Variants in UBAC2 observed in about 807,000 individuals in gnomAD.
The protein encoded by UBAC2 is UBA domain containing 2.
In UBAC2, 26 loss-of-function variants were observed where a neutral mutation model predicts 44.0. The ratio of observed to expected loss-of-function variants is 0.59; its 90% CI spans 0.43 to 0.82. UBAC2 has a LOEUF of 0.82. Ranked by LOEUF, UBAC2 falls within the 40% of genes least tolerant of loss-of-function variation. UBAC2 has a pLI of 0.00. For synonymous variants in UBAC2, 155 were observed against 154.3 expected (o/e 1.00, Z -0.04); for missense variants, 329 against 419.4 (o/e 0.78, Z 1.88).
chr13:99,240,653 A>G (rs997913620), intron 2 of UBAC2, among the ~76,000 whole-genome samples: 2 of 152,094 alleles, frequency 1.3e-5, no homozygotes, highest in African/African-American at 4.8e-5. Flanking sequence ...CTCATTGATC[A>G]TATTGATGGA....
Position 99,340,390 on chromosome 13 carries a change from C to G in UBAC2, c.632C>G (p.Ala211Gly). ...GTGCTCTGCATCCCCAGCTGGATGG[C>G]AAAATTCTTTTCTTGGACACTTGAA... is the stretch of plus-strand genomic sequence containing the variant. Reference protein sequence around the residue: ...HQVLCIPSWMAKFFSWTLEPI... With the variant: ...HQVLCIPSWMGKFFSWTLEPI... The change falls in exon 7 of 9, where the codon GCA (alanine) becomes GGA (glycine). Residue 211 changes from alanine (A) to glycine (G), a missense_variant. Physicochemically the swap from Ala to Gly is moderately conservative, Grantham distance 60. Coordinates refer to ENST00000403766, the MANE Select transcript of UBAC2 (RefSeq NM_001144072.2). 1.2e-6 allele frequency: 2 copies of G among 1,614,168 alleles called. No individual in the cohort carries two copies. Among genetic ancestry groups the G allele is most frequent in the Non-Finnish European group, 1.7e-6 (2 of 1,180,012 alleles).
chr13:99,298,845 C>G (rs950654303), intron 4 of UBAC2, among the ~76,000 whole-genome samples: 5 of 152,080 alleles, frequency 3.3e-5, no homozygotes, highest in Non-Finnish European at 7.4e-5. Flanking sequence ...AAATTCCAGG[C>G]AAGGGTTGCA....
chr13:99,368,899 C>G (rs1474874036), intron 8 of UBAC2, among the ~76,000 whole-genome samples: 1 of 151,868 alleles, frequency 6.6e-6, no homozygotes, highest in Admixed American at 6.6e-5. Context: ...ACAGGATAGC[C>G]CTGGATCATC....
At position 99,295,613 on chromosome 13, in the gene UBAC2, C is replaced by T; in HGVS notation, c.390-18484C>T. 2 of 1,614,102 alleles carry T rather than the reference C, an allele frequency of 1.2e-6. No homozygotes were observed. The highest frequency in any genetic ancestry group is 1.1e-5 in the South Asian group (1 of 91,086). On this transcript the variant is annotated intron_variant, in intron 4 of 8. Transcript: ENST00000403766. This position sits in a 1 kb window ranked among gnomAD's most constrained non-coding sequence, Gnocchi z 4.1. ...GTTTGGATACTCCATGCATGTAATC[C>T]TTTCAGCCTCCTGCTTTGACATAGG...
At position 99,295,045 on chromosome 13, in the gene UBAC2, A is replaced by G; in HGVS notation, c.390-19052A>G. ...CATACAGTTTACGTCACTATAAACCAAAATACAATCCATTTCACTTTCCAT... is the reference window on the plus strand; with the variant it reads ...CATACAGTTTACGTCACTATAAACCGAAATACAATCCATTTCACTTTCCAT... On this transcript the variant is annotated intron_variant, in intron 4 of 8. Transcript: ENST00000403766. The surrounding 1 kb of genome is among the most constrained non-coding windows in gnomAD (Gnocchi z 4.1). 1.2e-6 allele frequency: 2 copies of G among 1,607,678 alleles called. No homozygotes were observed. Among genetic ancestry groups the G allele is most frequent in the Non-Finnish European group, 1.7e-6 (2 of 1,176,756 alleles).
intron 4 of UBAC2, among the ~76,000 whole-genome samples, chr13:99,285,030 T>C (rs2044000321): frequency 1.3e-5 from 2 of 152,224 alleles, no homozygotes; most frequent in Non-Finnish European, 2.9e-5. Context: ...TTTAAAAGTA[T>C]TTTGAAGCAA....
intron 4 of UBAC2, among the ~76,000 whole-genome samples, chr13:99,252,340 T>A (rs1289366427): frequency 6.6e-6 from 1 of 152,266 alleles, no homozygotes; most frequent in East Asian, 1.9e-4. Flanking sequence ...AACCAAGTTT[T>A]ACTTTATGTA....
At chr13:99,248,304 A>C (rs2043414008) in intron 4 of UBAC2, among the ~76,000 whole-genome samples, 1 of 151,348 alleles carries the variant, frequency 6.6e-6, no homozygotes, top group African/African-American at 2.4e-5. Flanking sequence ...GCTCACTGTC[A>C]CCTCAAACTC....
At chr13:99,352,638 TGGC>T (rs35775451) in intron 7 of UBAC2, among the ~76,000 whole-genome samples, 25,049 of 152,160 alleles carry the variant, frequency 0.16, 2,276 homozygotes, top group Middle Eastern at 0.23. Flanking sequence ...TGTTGCCTCT[TGGC>T]CTCACCAGTG....
chr13:99,324,972 A>G (rs1222632699), intron 6 of UBAC2, among the ~76,000 whole-genome samples: 2 of 152,190 alleles, frequency 1.3e-5, no homozygotes, highest in East Asian at 1.9e-4. Flanking sequence ...ATCACATAAC[A>G]CATTTCTCAG....
At chr13:99,305,886 C>CATTTATTTATTT (rs10633287) in intron 4 of UBAC2, among the ~76,000 whole-genome samples, 3 of 151,510 alleles carry the variant, frequency 2.0e-5, no homozygotes, top group African/African-American at 7.3e-5. Context: ...GACTCAGGGC[C>CATTTATTTATTT]ATTTATTTAT....
At position 99,330,042 on chromosome 13, in the gene UBAC2, C is replaced by T. The variant is rs529519025; in HGVS notation, c.562-10278C>T. Among the ~76,000 whole-genome samples the T allele has an allele frequency of 2.0e-5, 3 of 152,270 alleles. No homozygotes were observed. In the South Asian group the frequency reaches 6.2e-4, roughly 32 times the overall value. ...TTCCCCTTTGCAATTTTTAAATTTT[C>T]AATGTACAGGTCTTGCACATCTTTC... is the stretch of plus-strand genomic sequence containing the variant. On this transcript the variant is annotated intron_variant, in intron 6 of 8. Transcript: ENST00000403766.
intron 4 of UBAC2, among the ~76,000 whole-genome samples, chr13:99,276,085 T>G (rs1566481180): frequency 6.6e-6 from 1 of 152,218 alleles, no homozygotes; most frequent in Non-Finnish European, 1.5e-5. Context: ...CCCTCCAGTC[T>G]CAAGACCTTC....
At chr13:99,373,679 TG>T (rs1391782642) in intron 8 of UBAC2, among the ~76,000 whole-genome samples, 4 of 151,904 alleles carry the variant, frequency 2.6e-5, no homozygotes, top group Non-Finnish European at 4.4e-5. Flanking sequence ...GACAAGTACA[TG>T]GGAGGTGGGG....
intron 4 of UBAC2, 106 bp downstream of exon 4, chr13:99,244,730 A>G: frequency 1.6e-6 from 1 of 610,892 alleles, no homozygotes; most frequent in Non-Finnish European, 2.7e-6. Flanking sequence ...AAACTTCTAG[A>G]TATAGTTAAA....
intron 4 of UBAC2, among the ~76,000 whole-genome samples, chr13:99,249,325 G>A (rs891014329): frequency 6.6e-6 from 1 of 151,950 alleles, no homozygotes; most frequent in Non-Finnish European, 1.5e-5. Context: ...ATTTATTTAG[G>A]ATAATGGCCT....
intron 4 of UBAC2, among the ~76,000 whole-genome samples, chr13:99,251,623 A>C (rs2043459268): frequency 6.6e-6 from 1 of 152,064 alleles, no homozygotes; most frequent in Admixed American, 6.5e-5. Context: ...TCTTTTAAAA[A>C]CCCTCAAATT....
intron 4 of UBAC2, chr13:99,256,488 G>T (rs1247190943): frequency 6.6e-6 from 1 of 152,060 alleles, no homozygotes; most frequent in Non-Finnish European, 1.5e-5. Context: ...GATTTCAGCT[G>T]CTCTACTTCA....
At chr13:99,255,011 T>C (rs755267322) in intron 4 of UBAC2, 2 of 1,614,090 alleles carry the variant, frequency 1.2e-6, no homozygotes, top group Non-Finnish European at 8.5e-7. Flanking sequence ...TTTGAAACGA[T>C]GTAGTAGAGA....
Sources: allele counts gnomAD v4.1 joint callset (sites outside exome capture counted in the v4.1 genomes callset), GRCh38; gene constraint gnomAD v4.1.1; non-coding constraint Gnocchi (gnomAD v3.1); transcripts MANE v1.5; gene names NCBI Gene and HGNC (gene_info 2026-07-23, HGNC 2026-07-21).